PARD3B: variants seen among roughly 807,000 people sequenced by gnomAD.
The protein encoded by PARD3B is par-3 family cell polarity regulator beta, also known as partitioning defective 3 homolog B.
PARD3B carries 103 observed loss-of-function variants against 130.2 expected under a neutral mutation model. That is an observed-to-expected ratio of 0.79 (90% CI 0.67 to 0.93). The LOEUF is 0.93. Ranked by LOEUF, PARD3B falls within the 40% of genes least tolerant of loss-of-function variation. The pLI, the probability that PARD3B is intolerant of heterozygous loss-of-function variation, is 0.00. For synonymous variants in PARD3B, 583 were observed against 553.2 expected (o/e 1.05, Z -0.76); for missense variants, 1,609 against 1,499.2 (o/e 1.07, Z -1.21).
chr2:205,456,018 T>C (rs1167711866), intron 20 of PARD3B, among the ~76,000 whole-genome samples: 1 of 152,108 alleles, frequency 6.6e-6, no homozygotes, highest in Non-Finnish European at 1.5e-5. Flanking sequence ...TTCTAGAATG[T>C]TACCTAAATG....
chr2:205,243,020 G>A (rs924402210), intron 15 of PARD3B, among the ~76,000 whole-genome samples: 1 of 152,116 alleles, frequency 6.6e-6, no homozygotes, highest in East Asian at 1.9e-4. Context: ...TACAAAATTA[G>A]CAGGGCATGG....
intron 4 of PARD3B, among the ~76,000 whole-genome samples, chr2:205,095,939 T>C (rs1350660035): frequency 6.6e-6 from 1 of 152,078 alleles, no homozygotes; most frequent in South Asian, 2.1e-4. Context: ...GAAAAGATCA[T>C]AGGAAAATAA....
chr2:204,924,600 T>G (rs1159052167), intron 2 of PARD3B, among the ~76,000 whole-genome samples: 5 of 152,138 alleles, frequency 3.3e-5, no homozygotes, highest in Admixed American at 2.6e-4. Context: ...TGAAAATCTT[T>G]GTGAAAAATT....
intron 1 of PARD3B, among the ~76,000 whole-genome samples, chr2:204,681,462 C>G (rs1475855586): frequency 6.6e-6 from 1 of 152,182 alleles, no homozygotes; most frequent in Non-Finnish European, 1.5e-5. Flanking sequence ...AGCCCATGTT[C>G]TTCTACTAGG....
chr2:205,320,319 A>G (rs2042710035), intron 18 of PARD3B, among the ~76,000 whole-genome samples: 1 of 152,148 alleles, frequency 6.6e-6, no homozygotes, highest in African/African-American at 2.4e-5. Flanking sequence ...CAAGTCCTTG[A>G]ACACTACCTT....
intron 19 of PARD3B, among the ~76,000 whole-genome samples, chr2:205,414,193 G>A (rs535818815): frequency 1.3e-5 from 2 of 152,226 alleles, no homozygotes; most frequent in African/African-American, 2.4e-5. Context: ...CTCCAAGCCC[G>A]TGATTAGGAG....
At chr2:204,593,511 G>C (rs1177983976) in intron 1 of PARD3B, among the ~76,000 whole-genome samples, 1 of 152,156 alleles carries the variant, frequency 6.6e-6, no homozygotes, top group African/African-American at 2.4e-5. Context: ...TTTTCGAATA[G>C]TTTGCAGGCT....
chr2:204,577,405 G>T (rs1181374629), intron 1 of PARD3B, among the ~76,000 whole-genome samples: 1 of 152,174 alleles, frequency 6.6e-6, no homozygotes, highest in East Asian at 1.9e-4. Flanking sequence ...CCTAGCCCAT[G>T]GTCACCCAGC....
rs2046083699 is a variant in PARD3B at position 205,397,790 on chromosome 2, C to T, written c.2631-3223C>T. Among the ~76,000 whole-genome samples, 1 of 152,134 alleles carries T rather than the reference C, an allele frequency of 6.6e-6. No individual in the cohort carries two copies. Among genetic ancestry groups the T allele is most frequent in the South Asian group, 2.1e-4 (1 of 4,824 alleles). ...GCCCAAACATTACTATATTTAATGA[C>T]ATTTTAAGCAAAAGTTATGTATCTC... is the stretch of plus-strand genomic sequence containing the variant. On this transcript the variant is annotated intron_variant, in intron 18 of 22. Transcript: ENST00000406610. This position sits in a 1 kb window ranked among gnomAD's most constrained non-coding sequence, Gnocchi z 4.8.
chr2:204,914,667 G>A (rs1338455933), intron 2 of PARD3B, among the ~76,000 whole-genome samples: 1 of 152,156 alleles, frequency 6.6e-6, no homozygotes, highest in African/African-American at 2.4e-5. Context: ...CCTCAATCCA[G>A]CCTGAAGAGT....
rs555054686 is a variant in PARD3B at position 205,242,561 on chromosome 2, G to A, written c.2141-3217G>A. Among the ~76,000 whole-genome samples the A allele has an allele frequency of 5.3e-4, 80 of 152,212 alleles. 2 individuals carry two copies. In the South Asian group the frequency reaches 0.016, roughly 30 times the overall value. ...GGTAAATTGCTAGGTCGTATCTTTT[G>A]TGGTTGTGGAATGATCCATACAATA... On this transcript the variant is annotated intron_variant, in intron 15 of 22. Coordinates refer to ENST00000406610, the MANE Select transcript of PARD3B (RefSeq NM_001302769.2).
chr2:205,092,839 C>T (rs1254810311), intron 4 of PARD3B, among the ~76,000 whole-genome samples: 4 of 151,934 alleles, frequency 2.6e-5, no homozygotes, highest in South Asian at 2.1e-4. Flanking sequence ...AAGCTTCCAG[C>T]GATTGTGGAA....
intron 18 of PARD3B, 25 bp from the exon 19 acceptor site, chr2:205,400,988 A>T (rs2046232133): frequency 1.3e-6 from 2 of 1,521,530 alleles, no homozygotes; most frequent in African/African-American, 1.4e-5. Context: ...TATTGTTAAC[A>T]GCCTTCTCCT....
In PARD3B at chr2:205,473,531, A is replaced by G. The variant is rs921777048; in HGVS notation, c.3045-26365A>G. Among the ~76,000 whole-genome samples, 7 of 151,586 alleles carry G rather than the reference A, an allele frequency of 4.6e-5. No individual in the cohort carries two copies. Among genetic ancestry groups the G allele is most frequent in the Non-Finnish European group, 8.8e-5 (6 of 67,876 alleles). ...GCTGCCTGACAGTAGGGCACGTTTC[A>G]CTCATTAATATGGGTGATATCTTAC... On this transcript the variant is annotated intron_variant, in intron 20 of 22. Coordinates refer to ENST00000406610, the MANE Select transcript of PARD3B (RefSeq NM_001302769.2). This position sits in a 1 kb window ranked among gnomAD's most constrained non-coding sequence, Gnocchi z 4.9.
chr2:205,331,977 A>G (rs1172360416), intron 18 of PARD3B, among the ~76,000 whole-genome samples: 1 of 151,146 alleles, frequency 6.6e-6, no homozygotes, highest in Non-Finnish European at 1.5e-5. Flanking sequence ...TGGTGGTGTG[A>G]GCCTGTAATC....
intron 2 of PARD3B, among the ~76,000 whole-genome samples, chr2:204,821,458 C>A (rs2043349568): frequency 6.7e-6 from 1 of 149,586 alleles, no homozygotes; most frequent in African/African-American, 2.5e-5. Flanking sequence ...GAACAAAAAA[C>A]CAAACACCGC....
At chr2:204,968,361 T>C (rs964440978) in intron 3 of PARD3B, among the ~76,000 whole-genome samples, 2 of 152,234 alleles carry the variant, frequency 1.3e-5, no homozygotes, top group Admixed American at 6.5e-5. Flanking sequence ...CAATATTCTG[T>C]TAAAAACCAA....
intron 2 of PARD3B, among the ~76,000 whole-genome samples, chr2:204,917,984 G>A (rs1297982778): frequency 6.6e-6 from 1 of 152,126 alleles, no homozygotes; most frequent in Non-Finnish European, 1.5e-5. Flanking sequence ...ACAAAAGCTT[G>A]CATTATTGGT....
rs773496699 is a variant in PARD3B, at chr2:205,047,585, T to A, written c.399T>A (p.Thr133=). 2 of 1,548,206 alleles carry A rather than the reference T, an allele frequency of 1.3e-6. No homozygotes were observed. The highest frequency in any genetic ancestry group is 4.9e-5 in the East Asian group (2 of 40,892). The part of the protein sequence containing the change: ...EVTPSALKLG[T]PLLVRRSSDP... ...ACCTCTCACTTTGTCTTCCAGGCAC[T>A]CCACTGCTGGTGAGGAGAAGCAGTG... is the stretch of plus-strand genomic sequence containing the variant. The change falls in exon 4 of 23, where the codon ACT becomes ACA. Residue 133 remains threonine (T), a synonymous_variant. Transcript: ENST00000406610.
Sources: allele counts gnomAD v4.1 joint callset (sites outside exome capture counted in the v4.1 genomes callset), GRCh38; gene constraint gnomAD v4.1.1; non-coding constraint Gnocchi (gnomAD v3.1); transcripts MANE v1.5; gene names NCBI Gene and HGNC (gene_info 2026-07-23, HGNC 2026-07-21).